The following STK24 variants were observed in gnomAD, a reference collection of about 807,000 sequenced individuals.
STK24 encodes the protein serine/threonine-protein kinase 24.
STK24 carries 21 observed loss-of-function variants against 55.6 expected under a neutral mutation model. The ratio of observed to expected loss-of-function variants is 0.38; its 90% CI spans 0.27 to 0.54. STK24 has a LOEUF of 0.54. Among genes scored for constraint, STK24 ranks in the 20% least tolerant of loss-of-function variants. The pLI, the probability that STK24 is intolerant of heterozygous loss-of-function variation, is 0.79. For missense variants in STK24, 383 were observed against 538.4 expected (o/e 0.71, Z 2.86); for synonymous variants, 200 against 215.2 (o/e 0.93, Z 0.62).
intron 1 of STK24, among the ~76,000 whole-genome samples, chr13:98,575,822 C>CT (rs1897875502): frequency 6.6e-6 from 1 of 152,158 alleles, no homozygotes; most frequent in Admixed American, 6.5e-5. Flanking sequence ...TCTGCGCCTA[C>CT]AAAGTTTACA....
chr13:98,471,750 C>T (rs139728804), intron 5 of STK24, among the ~76,000 whole-genome samples: 1 of 152,336 alleles, frequency 6.6e-6, no homozygotes, highest in Non-Finnish European at 1.5e-5. Flanking sequence ...TTTGTATTCC[C>T]TTTAGTTCAG....
At position 98,482,200 on chromosome 13, in the gene STK24, C is replaced by A. The variant is rs1178679337; in HGVS notation, c.330+65G>T. The stretch of plus-strand genomic sequence containing the variant: ...AAGAAATGGATACATGCAATGGATT[C>A]TTTAAAACCCAGGTTTCCTGAGAAA... On this transcript the variant is annotated intron_variant, in intron 3 of 10. Coordinates refer to ENST00000539966, the MANE Select transcript of STK24 (RefSeq NM_001032296.4). The A allele has an allele frequency of 6.8e-5, 64 of 948,120 alleles. 1 individual carries two copies. The South Asian group carries it at 9.1e-4, about 14-fold the overall frequency. The allele number at this position is 948,120 out of a possible 1,614,324, so 58.7% of individuals were successfully genotyped here. A position where few individuals can be genotyped will look rare whatever the true frequency, so the allele number is the denominator to read the frequency against.
chr13:98,568,631 C>T (rs1428142181), intron 1 of STK24, among the ~76,000 whole-genome samples: 1 of 152,108 alleles, frequency 6.6e-6, no homozygotes, highest in Non-Finnish European at 1.5e-5. Context: ...CTTTGGGAGG[C>T]CGAGGCATGT....
intron 10 of STK24, chr13:98,456,655 G>T: frequency 2.3e-6 from 1 of 430,140 alleles, no homozygotes; most frequent in South Asian, 1.7e-5. Context: ...ACTGGGCAGG[G>T]ACAAAAGCTC....
chr13:98,502,141 C>T (rs2139346793), intron 2 of STK24, among the ~76,000 whole-genome samples: 1 of 151,776 alleles, frequency 6.6e-6, no homozygotes, highest in African/African-American at 2.4e-5. Context: ...AAAGGACAAC[C>T]CTGCCCTGAT....
intron 1 of STK24, chr13:98,576,147 G>C: frequency 1.0e-6 from 1 of 985,168 alleles, no homozygotes; most frequent in Non-Finnish European, 1.2e-6. Context: ...ACTTTCCCCC[G>C]GTCCGCAGGT....
rs995984044 is a variant in STK24 at position 98,489,785 on chromosome 13, T to C, written c.274-7464A>G. 2.6e-4 allele frequency among the ~76,000 whole-genome samples: 39 copies of C among 152,222 alleles called. 1 individual carries two copies. Among genetic ancestry groups the C allele is most frequent in the African/African-American group, 9.2e-4 (38 of 41,448 alleles). ...GCAGCTAGGAATGAGAGGGACACCC[T>C]TGAAGCCAGCTGATGGTGTTCAAAG... On this transcript the variant is annotated intron_variant, in intron 2 of 10. Transcript: ENST00000539966.
At chr13:98,503,428 G>C (rs1297659154) in intron 2 of STK24, among the ~76,000 whole-genome samples, 1 of 152,168 alleles carries the variant, frequency 6.6e-6, no homozygotes, top group African/African-American at 2.4e-5. Context: ...GAATTCATTT[G>C]GTGACCTTGA....
intron 1 of STK24, among the ~76,000 whole-genome samples, chr13:98,565,031 G>C (rs1298368082): frequency 6.6e-6 from 1 of 152,162 alleles, no homozygotes; most frequent in East Asian, 1.9e-4. Flanking sequence ...CGGTTCCAAA[G>C]TCAGTCTTTG....
intron 1 of STK24, among the ~76,000 whole-genome samples, chr13:98,524,870 C>T (rs1000038193): frequency 2.6e-5 from 4 of 152,228 alleles, no homozygotes; most frequent in Admixed American, 6.5e-5. Flanking sequence ...TCCAGGCGTA[C>T]GGCACCTGTA....
chr13:98,537,247 G>A (rs1896760926), intron 1 of STK24, among the ~76,000 whole-genome samples: 1 of 152,234 alleles, frequency 6.6e-6, no homozygotes, highest in Non-Finnish European at 1.5e-5. Context: ...CCTGGGTGAG[G>A]CTGCTGGGAT....
intron 2 of STK24, among the ~76,000 whole-genome samples, chr13:98,486,904 A>G (rs1894829550): frequency 6.6e-6 from 1 of 152,236 alleles, no homozygotes; most frequent in African/African-American, 2.4e-5. Context: ...TGGGAATCAG[A>G]TCGGTGCTTC....
chr13:98,489,017 GC>G (rs1566364514), intron 2 of STK24, among the ~76,000 whole-genome samples: 1 of 152,212 alleles, frequency 6.6e-6, no homozygotes. Flanking sequence ...TTCCTTAAGA[GC>G]GTGAGTTTTT....
At chr13:98,474,684 G>A in intron 5 of STK24, 137 bp downstream of exon 5, 1 of 1,120,812 alleles carries the variant, frequency 8.9e-7, no homozygotes, top group Non-Finnish European at 1.3e-6. Context: ...TCATAACCAA[G>A]GTTGAAGAAT....
chr13:98,512,574 T>G (rs1233951422), intron 2 of STK24, among the ~76,000 whole-genome samples: 2 of 92,922 alleles, frequency 2.2e-5, no homozygotes, highest in African/African-American at 4.0e-5. Context: ...AAAGTAAGTT[T>G]TTTTTTTTTT....
chr13:98,497,687 C>T lies in STK24; in HGVS notation c.274-15366G>A, dbSNP rs147724750. Among the ~76,000 whole-genome samples the T allele has an allele frequency of 5.5e-3, 842 of 152,362 alleles. 3 individuals carry two copies. Among genetic ancestry groups the T allele is most frequent in the Middle Eastern group, 0.01 (3 of 294 alleles). On this transcript the variant is annotated intron_variant, in intron 2 of 10. Transcript: ENST00000539966. ...ACACAAATTCTGTGGACCACCCACA[C>T]CCTGGCTCTGGACTTGCCCATTGGC...
intron 2 of STK24, among the ~76,000 whole-genome samples, chr13:98,507,403 G>A (rs571834657): frequency 4.6e-5 from 7 of 152,188 alleles, no homozygotes; most frequent in South Asian, 2.1e-4. Context: ...CAGGGCCAAC[G>A]CTTCACACTT....
At chr13:98,492,442 T>A (rs965392582) in intron 2 of STK24, among the ~76,000 whole-genome samples, 3 of 152,190 alleles carry the variant, frequency 2.0e-5, no homozygotes, top group African/African-American at 7.2e-5. Context: ...GAGTATGTGA[T>A]GTATGAGAGT....
In STK24 at chr13:98,538,266, A is replaced by ACCAGGCTT. The variant is rs1474435896; in HGVS notation, c.43-18801_43-18794dup. ...TTTGAGATGGAGTCTCGCTCTGTTG[A>ACCAGGCTT]CCAGGCTTGAGTACGGTGGCATGAT... On this transcript the variant is annotated intron_variant, in intron 1 of 10. Coordinates refer to ENST00000539966, the MANE Select transcript of STK24 (RefSeq NM_001032296.4). Among the ~76,000 whole-genome samples the ACCAGGCTT allele has an allele frequency of 1.6e-4, 19 of 115,184 alleles. No individual in the cohort carries two copies. In the Admixed American group the frequency reaches 2.1e-3, roughly 13 times the overall value. The allele number at this position is 115,184 out of a possible 152,430, so 75.6% of individuals were successfully genotyped here.
Sources: gnomAD v4.1 joint callset for allele counts (sites outside exome capture counted in the v4.1 genomes callset) on GRCh38, gnomAD v4.1.1 for gene constraint, MANE v1.5 for transcripts, NCBI Gene and HGNC (gene_info 2026-07-23, HGNC 2026-07-21) for gene names.